The following WFDC1 variants were observed in gnomAD, a reference collection of about 807,000 sequenced individuals.
WFDC1 encodes the protein WAP four-disulfide core domain protein 1.
Under a neutral mutation model 32.9 loss-of-function variants are expected in WFDC1, and 39 were observed. That is an observed-to-expected ratio of 1.19 (90% CI 0.92 to 1.55). The LOEUF (loss-of-function observed/expected upper bound fraction) is 1.55. WFDC1 is among the 40% of genes most tolerant of loss of function. The probability of loss-of-function intolerance (pLI) is 0.00; values close to 1 mark genes in which losing one functional copy is unlikely to be tolerated. For synonymous variants in WFDC1, 184 were observed against 137.4 expected (o/e 1.34, Z -2.37); for missense variants, 386 against 309.5 (o/e 1.25, Z -1.85).
Position 84,324,418 on chromosome 16 carries a change from G to A in WFDC1, c.563-1G>A, listed in dbSNP as rs1170384032. 3.7e-6 allele frequency: 6 copies of A among 1,613,644 alleles called. No individual in the cohort carries two copies. The highest frequency in any genetic ancestry group is 1.1e-5 in the South Asian group (1 of 90,912). ...GTTTTTTCCTCTCACTTGTTTTCCA[G>A]ATGGGCGAATCCTACGACACAAACT... is the stretch of plus-strand genomic sequence containing the variant. On this transcript the variant is annotated splice_acceptor_variant, in intron 4 of 6. Coordinates refer to ENST00000219454, the MANE Select transcript of WFDC1 (RefSeq NM_021197.4). LOFTEE classifies it high-confidence loss of function.
intron 1 of WFDC1, among the ~76,000 whole-genome samples, chr16:84,299,708 C>T (rs1906822087): frequency 6.6e-6 from 1 of 152,212 alleles, no homozygotes; most frequent in Non-Finnish European, 1.5e-5. Flanking sequence ...GGCAGGCTGG[C>T]CCCTACTGTC....
chr16:84,315,494 C>T (rs1041020689), intron 2 of WFDC1, among the ~76,000 whole-genome samples: 2 of 152,194 alleles, frequency 1.3e-5, no homozygotes, highest in African/African-American at 2.4e-5. Context: ...TTCATTCATT[C>T]ACTAGCCAGC....
chr16:84,313,745 G>C (rs935468365), intron 2 of WFDC1, among the ~76,000 whole-genome samples: 1 of 152,234 alleles, frequency 6.6e-6, no homozygotes. Flanking sequence ...GCCCCAGAGA[G>C]GAGCGGGTGC....
At chr16:84,303,504 C>T (rs1907069046) in intron 1 of WFDC1, among the ~76,000 whole-genome samples, 1 of 151,238 alleles carries the variant, frequency 6.6e-6, no homozygotes, top group South Asian at 2.1e-4. Flanking sequence ...TCAGGCAACA[C>T]AGAAAGTTAT....
intron 4 of WFDC1, among the ~76,000 whole-genome samples, chr16:84,320,320 G>A (rs545780576): frequency 1.3e-4 from 20 of 152,148 alleles, no homozygotes; most frequent in Admixed American, 1.2e-3. Context: ...CAGCTTGTAG[G>A]GGGTATATCA....
At chr16:84,305,599 T>G (rs1907204378) in intron 1 of WFDC1, among the ~76,000 whole-genome samples, 1 of 152,214 alleles carries the variant, frequency 6.6e-6, no homozygotes, top group Non-Finnish European at 1.5e-5. Flanking sequence ...GGGCGTTCAC[T>G]AAATCATCTG....
intron 1 of WFDC1, chr16:84,295,455 A>G (rs1400185631): frequency 8.5e-6 from 4 of 471,094 alleles, no homozygotes; most frequent in East Asian, 3.3e-5. Context: ...CGTCTCCCTG[A>G]TCAGTACCAA....
chr16:84,299,686 G>C (rs1372592987), intron 1 of WFDC1, among the ~76,000 whole-genome samples: 1 of 152,226 alleles, frequency 6.6e-6, no homozygotes, highest in Non-Finnish European at 1.5e-5. Flanking sequence ...GTGCTATGCA[G>C]CCCCTGGCCT....
In WFDC1 at chr16:84,311,527, CT is replaced by C. The variant is rs35243949; in HGVS notation, c.145-1413del. Among the ~76,000 whole-genome samples, 564 of 88,668 alleles carry C rather than the reference CT, an allele frequency of 6.4e-3. 2 individuals carry two copies. Among genetic ancestry groups the C allele is most frequent in the Non-Finnish European group, 7.7e-3 (379 of 49,196 alleles). The allele number at this position is 88,668 out of a possible 152,430, so 58.2% of individuals were successfully genotyped here. ...ACAGGTGTGAGCCACTGCGCCTGGA[CT>C]TTTTTTTTTTTTTTTTTTTTAACAG... On this transcript the variant is annotated intron_variant, in intron 1 of 6. Coordinates refer to ENST00000219454, the MANE Select transcript of WFDC1 (RefSeq NM_021197.4).
At chr16:84,306,271 A>C (rs1174129121) in intron 1 of WFDC1, among the ~76,000 whole-genome samples, 1 of 152,106 alleles carries the variant, frequency 6.6e-6, no homozygotes, top group African/African-American at 2.4e-5. Context: ...TGAGCCCTTA[A>C]TCCCTGTGCA....
chr16:84,311,982 A>G (rs954623976), intron 1 of WFDC1, among the ~76,000 whole-genome samples: 1 of 152,098 alleles, frequency 6.6e-6, no homozygotes, highest in Non-Finnish European at 1.5e-5. Flanking sequence ...CCTGGCCAAC[A>G]TGTAGAAACC....
chr16:84,311,404 A>G (rs1403458111), intron 1 of WFDC1, among the ~76,000 whole-genome samples: 1 of 74,828 alleles, frequency 1.3e-5, no homozygotes, highest in Non-Finnish European at 2.7e-5. Flanking sequence ...TTTTTTTTGT[A>G]TTTTTAGTAG....
chr16:84,320,441 G>C (rs4782609), intron 4 of WFDC1, among the ~76,000 whole-genome samples: 42,523 of 152,154 alleles, frequency 0.28, 6,041 homozygotes, highest in Non-Finnish European at 0.3. Flanking sequence ...GGACTGTTCA[G>C]TTTGACTTAA....
chr16:84,296,888 A>G (rs897134136), intron 1 of WFDC1: 2 of 152,262 alleles, frequency 1.3e-5, no homozygotes, highest in African/African-American at 4.8e-5. Context: ...GCTGCTTGGG[A>G]GACCAGACCT....
intron 5 of WFDC1, chr16:84,326,614 A>G (rs1908616194): frequency 2.2e-6 from 1 of 445,270 alleles, no homozygotes; most frequent in South Asian, 3.5e-5. Flanking sequence ...GGTCGGAAGC[A>G]ATTTGGCCAT....
chr16:84,299,763 G>A (rs1430473600), intron 1 of WFDC1, among the ~76,000 whole-genome samples: 1 of 152,214 alleles, frequency 6.6e-6, no homozygotes, highest in Non-Finnish European at 1.5e-5. Flanking sequence ...CCCCTCCAGG[G>A]CAGCTGGAAA....
chr16:84,323,365 G>A (rs780270876), intron 4 of WFDC1, among the ~76,000 whole-genome samples: 1 of 152,228 alleles, frequency 6.6e-6, no homozygotes, highest in Non-Finnish European at 1.5e-5. Flanking sequence ...GGATGGAGAA[G>A]TGAGCTAAAT....
intron 6 of WFDC1, 94 bp downstream of exon 6, chr16:84,327,049 G>A (rs913858350): frequency 1.0e-5 from 13 of 1,252,560 alleles, no homozygotes; most frequent in Admixed American, 5.4e-5. Context: ...GCAGGAGGGT[G>A]AGAGTAGCGC....
At chr16:84,315,719 T>C (rs909364177) in intron 2 of WFDC1, among the ~76,000 whole-genome samples, 6 of 152,332 alleles carry the variant, frequency 3.9e-5, no homozygotes, top group Non-Finnish European at 8.8e-5. Context: ...CAACCAAAAA[T>C]GTCTCTAATC....
Sources: gnomAD v4.1 joint callset for allele counts (sites outside exome capture counted in the v4.1 genomes callset) on GRCh38, gnomAD v4.1.1 for gene constraint, MANE v1.5 for transcripts, NCBI Gene and HGNC (gene_info 2026-07-23, HGNC 2026-07-21) for gene names.